The following PACRG variants were observed in gnomAD, a reference collection of about 807,000 sequenced individuals.
The protein encoded by PACRG is parkin coregulated, also known as parkin coregulated gene protein.
Under a neutral mutation model 29.7 loss-of-function variants are expected in PACRG, and 29 were observed. The observed-to-expected ratio is 0.98, with a 90% confidence interval of 0.73 to 1.33. The LOEUF is 1.33. Among genes scored for constraint, PACRG ranks in the 40% most tolerant of loss-of-function variants. The probability of loss-of-function intolerance (pLI) is 0.00; values close to 1 mark genes in which losing one functional copy is unlikely to be tolerated. For missense variants in PACRG, 279 were observed against 316.2 expected (o/e 0.88, Z 0.89); for synonymous variants, 116 against 118.7 (o/e 0.98, Z 0.15).
At chr6:163,243,091 G>T (rs756705236) in intron 4 of PACRG, among the ~76,000 whole-genome samples, 2 of 152,202 alleles carry the variant, frequency 1.3e-5, no homozygotes, top group Admixed American at 6.5e-5. Context: ...ACCATGACCC[G>T]CATTGGACTT....
intron 4 of PACRG, among the ~76,000 whole-genome samples, chr6:163,243,079 C>T (rs186940230): frequency 5.3e-5 from 8 of 152,290 alleles, no homozygotes; most frequent in Non-Finnish European, 1.0e-4. Flanking sequence ...CTGGGGAGAC[C>T]AACCATGACC....
At chr6:162,889,959 G>A (rs138506375) in intron 2 of PACRG, among the ~76,000 whole-genome samples, 137 of 152,372 alleles carry the variant, frequency 9.0e-4, no homozygotes, top group African/African-American at 3.2e-3. Context: ...TTGTAATGGT[G>A]ATGTGTAACT....
At chr6:162,862,647 A>G (rs1328154859) in intron 2 of PACRG, among the ~76,000 whole-genome samples, 1 of 152,238 alleles carries the variant, frequency 6.6e-6, no homozygotes, top group African/African-American at 2.4e-5. Context: ...GTCACTCCGT[A>G]TAACTGGAAA....
chr6:162,764,119 C>A (rs959293211), intron 1 of PACRG, among the ~76,000 whole-genome samples: 1 of 151,974 alleles, frequency 6.6e-6, no homozygotes, highest in Non-Finnish European at 1.5e-5. Flanking sequence ...ACTAAAAATA[C>A]AAAAAATTAG....
At chr6:162,819,775 T>C (rs1787683920) in intron 2 of PACRG, among the ~76,000 whole-genome samples, 1 of 152,228 alleles carries the variant, frequency 6.6e-6, no homozygotes, top group African/African-American at 2.4e-5. Context: ...GACAACAATA[T>C]ACCAGGTGAT....
intron 2 of PACRG, among the ~76,000 whole-genome samples, chr6:162,902,421 C>A (rs2128059981): frequency 6.6e-6 from 1 of 152,240 alleles, no homozygotes; most frequent in East Asian, 1.9e-4. Flanking sequence ...TGAATGACTG[C>A]AGAAATTTCA....
chr6:163,039,947 A>G (rs1221856567), intron 2 of PACRG, among the ~76,000 whole-genome samples: 1 of 152,264 alleles, frequency 6.6e-6, no homozygotes, highest in African/African-American at 2.4e-5. Context: ...AGAAATGTGC[A>G]TAAGTAATGA....
At chr6:163,049,474 CA>C (rs1320239869) in intron 2 of PACRG, among the ~76,000 whole-genome samples, 1 of 151,976 alleles carries the variant, frequency 6.6e-6, no homozygotes, top group Non-Finnish European at 1.5e-5. Flanking sequence ...CAATGAGACT[CA>C]AAAATCAGCA....
chr6:162,970,102 T>G (rs73783942), intron 2 of PACRG, among the ~76,000 whole-genome samples: 2,484 of 152,278 alleles, frequency 0.016, 68 homozygotes, highest in African/African-American at 0.056. Flanking sequence ...TGCCATGACA[T>G]GCAAATAGTG....
At chr6:163,303,129 G>A (rs1258786131) in intron 4 of PACRG, among the ~76,000 whole-genome samples, 3 of 152,106 alleles carry the variant, frequency 2.0e-5, no homozygotes, top group Admixed American at 6.5e-5. Context: ...CGAGACGTTC[G>A]AGATCAGCCT....
chr6:163,313,571 T>C (rs548147867), intron 4 of PACRG, among the ~76,000 whole-genome samples: 6 of 152,352 alleles, frequency 3.9e-5, no homozygotes, highest in Admixed American at 2.6e-4. Flanking sequence ...GGAAACACCA[T>C]TTTTCCCTCT....
chr6:162,864,292 A>C (rs759091010), intron 2 of PACRG, among the ~76,000 whole-genome samples: 1 of 152,194 alleles, frequency 6.6e-6, no homozygotes, highest in Non-Finnish European at 1.5e-5. Flanking sequence ...TTTGACATGA[A>C]AGATATTCTT....
chr6:163,048,049 G>A (rs1471352135), intron 2 of PACRG, among the ~76,000 whole-genome samples: 1 of 151,982 alleles, frequency 6.6e-6, no homozygotes, highest in East Asian at 1.9e-4. Flanking sequence ...ATTTTTTTAT[G>A]CAACAATGTT....
intron 2 of PACRG, among the ~76,000 whole-genome samples, chr6:162,829,626 T>G (rs1788573880): frequency 6.6e-6 from 1 of 152,182 alleles, no homozygotes; most frequent in African/African-American, 2.4e-5. Context: ...CGTAAGATTA[T>G]AACAGATCTG....
At chr6:163,089,171 G>T in intron 3 of PACRG, 88 bp from the exon 4 acceptor site, 3 of 1,391,004 alleles carry the variant, frequency 2.2e-6, no homozygotes, top group Non-Finnish European at 2.9e-6. Flanking sequence ...TTAATTAAAT[G>T]CAACCACAAG....
intron 4 of PACRG, chr6:163,111,955 T>C: frequency 1.7e-6 from 1 of 595,030 alleles, no homozygotes; most frequent in Middle Eastern, 8.7e-4. Flanking sequence ...TATTCTGAAT[T>C]TTCAGGGAAT....
At chr6:163,012,347 A>G (rs906493701) in intron 2 of PACRG, among the ~76,000 whole-genome samples, 2 of 152,264 alleles carry the variant, frequency 1.3e-5, no homozygotes, top group African/African-American at 4.8e-5. Flanking sequence ...TTCACCATTC[A>G]GTAAGAGCCA....
At chr6:163,139,148 T>C (rs1291324051) in intron 4 of PACRG, among the ~76,000 whole-genome samples, 1 of 152,234 alleles carries the variant, frequency 6.6e-6, no homozygotes, top group Non-Finnish European at 1.5e-5. Context: ...GCAGAGAGAA[T>C]CCATTCCTGG....
At chr6:163,100,944 A>G (rs1815050087) in intron 4 of PACRG, 53 of 985,102 alleles carry the variant, frequency 5.4e-5, no homozygotes, top group Non-Finnish European at 6.4e-5. Context: ...GAAGAAAGGT[A>G]AAGATGGCAA....
Sources: allele counts gnomAD v4.1 joint callset (sites outside exome capture counted in the v4.1 genomes callset), GRCh38; gene constraint gnomAD v4.1.1; transcripts MANE v1.5; gene names NCBI Gene and HGNC (gene_info 2026-07-23, HGNC 2026-07-21).